Variants in RPRD2 observed in about 807,000 individuals in gnomAD.
The protein encoded by RPRD2 is regulation of nuclear pre-mRNA domain-containing protein 2.
RPRD2 carries 12 observed loss-of-function variants against 104.4 expected under a neutral mutation model. That is an observed-to-expected ratio of 0.11 (90% CI 0.07 to 0.19). RPRD2 has a LOEUF of 0.19. Among genes scored for constraint, RPRD2 ranks in the 10% least tolerant of loss-of-function variants. The pLI, the probability that RPRD2 is intolerant of heterozygous loss-of-function variation, is 1.00. For synonymous variants in RPRD2, 714 were observed against 684.9 expected (o/e 1.04, Z -0.66); for missense variants, 1,543 against 1,790.1 (o/e 0.86, Z 2.49).
At chr1:150,369,517 C>T (rs587596203) in intron 1 of RPRD2, among the ~76,000 whole-genome samples, 86 of 129,532 alleles carry the variant, frequency 6.6e-4, no homozygotes, top group African/African-American at 2.3e-3. Context: ...AGTGCAGTGG[C>T]GCGATCTCGG....
At position 150,443,097 on chromosome 1, in the gene RPRD2, T is replaced by TATGGAC. The variant is rs1553894795; in HGVS notation, c.515-134_515-133insATGGAC. 3 of 612,262 alleles carry TATGGAC rather than the reference T, an allele frequency of 4.9e-6. No individual in the cohort carries two copies. The African/African-American group carries it at 5.6e-5, about 11-fold the overall frequency. 37.9% of individuals were successfully genotyped at this position (612,262 alleles called of 1,614,324 possible). ...TTAAATTTCCTAGTCCATTATTTAT[T>TATGGAC]TTAGGAATTATGACTTAAATGTGCA... On this transcript the variant is annotated intron_variant, in intron 4 of 10. Transcript: ENST00000369068.
At chr1:150,439,627 C>CTTTTTTTTTTTTTTT (rs66814229) in intron 2 of RPRD2, among the ~76,000 whole-genome samples, 1 of 142,292 alleles carries the variant, frequency 7.0e-6, no homozygotes, top group Non-Finnish European at 1.5e-5. Context: ...TTTGACATAG[C>CTTTTTTTTTTTTTTT]TTTTTTTTTT....
At chr1:150,408,959 A>G (rs1167248602) in intron 1 of RPRD2, 2 of 150,878 alleles carry the variant, frequency 1.3e-5, no homozygotes, top group Non-Finnish European at 2.9e-5. Flanking sequence ...CCATTATACC[A>G]TAATGCTTGT....
chr1:150,390,363 G>A (rs1212584225), intron 1 of RPRD2, among the ~76,000 whole-genome samples: 1 of 152,112 alleles, frequency 6.6e-6, no homozygotes, highest in African/African-American at 2.4e-5. Flanking sequence ...CAGGCGTGGT[G>A]GCACATGCCT....
At chr1:150,365,378 G>GT (rs1553877011) in intron 1 of RPRD2, among the ~76,000 whole-genome samples, 1 of 152,138 alleles carries the variant, frequency 6.6e-6, no homozygotes. Flanking sequence ...CTGGATGAAT[G>GT]TATCTAAAAC....
At chr1:150,461,296 C>A (rs1161932345) in intron 9 of RPRD2, among the ~76,000 whole-genome samples, 3 of 151,736 alleles carry the variant, frequency 2.0e-5, no homozygotes, top group African/African-American at 4.8e-5. Context: ...CCAAAGGAAA[C>A]CACTTGTGTT....
intron 1 of RPRD2, among the ~76,000 whole-genome samples, chr1:150,376,239 T>C (rs1660679110): frequency 6.6e-6 from 1 of 152,210 alleles, no homozygotes; most frequent in Non-Finnish European, 1.5e-5. Flanking sequence ...GATCTCTCCC[T>C]CATCTCTCTT....
chr1:150,444,410 T>G, intron 6 of RPRD2, 33 bp downstream of exon 6: 1 of 1,600,488 alleles, frequency 6.2e-7, no homozygotes, highest in Non-Finnish European at 8.5e-7. Context: ...GTAAGTCAGA[T>G]TTTCTTTCCA....
At position 150,433,924 on chromosome 1, in the gene RPRD2, TACAC is replaced by T. The variant is rs71667950; in HGVS notation, c.336-6985_336-6982del. Among the ~76,000 whole-genome samples the T allele has an allele frequency of 4.9e-5, 7 of 141,744 alleles. No homozygotes were observed. In the East Asian group the frequency reaches 5.9e-4, roughly 12 times the overall value. 93.0% of individuals were successfully genotyped at this position (141,744 alleles called of 152,430 possible). On this transcript the variant is annotated intron_variant, in intron 2 of 10. Transcript: ENST00000369068. ...CATATGTATGTATATATAGTGTGTA[TACAC>T]ACACACACACACAGAGGCATATAAT...
intron 2 of RPRD2, among the ~76,000 whole-genome samples, chr1:150,432,628 T>TAAAA (rs34187447): frequency 8.8e-6 from 1 of 113,450 alleles, no homozygotes; most frequent in African/African-American, 3.6e-5. Context: ...AAGAAAATGA[T>TAAAA]AAAAAAAAAA....
chr1:150,376,315 A>G (rs1660686792), intron 1 of RPRD2, among the ~76,000 whole-genome samples: 2 of 152,124 alleles, frequency 1.3e-5, no homozygotes, highest in Non-Finnish European at 2.9e-5. Context: ...GGAATCCATT[A>G]GCAGAGAGAG....
In RPRD2 at chr1:150,474,079, T is replaced by C. The variant is rs921943929; in HGVS notation, c.*745T>C. 6.6e-6 allele frequency: 1 copy of C among 152,166 alleles called. No homozygotes were observed. The highest frequency in any genetic ancestry group is 1.5e-5 in the Non-Finnish European group (1 of 68,016). The allele number at this position is 152,166 out of a possible 1,614,324, so 9.4% of individuals were successfully genotyped here. On this transcript the variant is annotated 3_prime_UTR_variant, in exon 11 of 11. Transcript: ENST00000369068. ...GCCTGTTTTTTTGTAAACAAGAGAATAGGAAATGTTTTCAAGGTAGTTTCA... is the reference window on the plus strand; with the variant it reads ...GCCTGTTTTTTTGTAAACAAGAGAACAGGAAATGTTTTCAAGGTAGTTTCA...
intron 7 of RPRD2, among the ~76,000 whole-genome samples, chr1:150,453,320 C>T (rs967303428): frequency 1.3e-5 from 2 of 152,106 alleles, no homozygotes; most frequent in African/African-American, 2.4e-5. Context: ...CGTGAGCCAC[C>T]GCGCCTGGCC....
At chr1:150,466,208 C>T (rs1231537940) in intron 10 of RPRD2, among the ~76,000 whole-genome samples, 1 of 151,358 alleles carries the variant, frequency 6.6e-6, no homozygotes, top group Non-Finnish European at 1.5e-5. Context: ...GAAACCCCGA[C>T]TCTACTAAAA....
At chr1:150,383,062 G>A (rs2454286) in intron 1 of RPRD2, among the ~76,000 whole-genome samples, 49,760 of 151,666 alleles carry the variant, frequency 0.33, 8,858 homozygotes, top group Non-Finnish European at 0.4. Flanking sequence ...GTGCGATCAT[G>A]GCTCACTGCA....
At chr1:150,402,378 A>G (rs1663105279) in intron 1 of RPRD2, among the ~76,000 whole-genome samples, 3 of 152,212 alleles carry the variant, frequency 2.0e-5, no homozygotes, top group Non-Finnish European at 4.4e-5. Context: ...TATTTATCAT[A>G]TAAAAATGTA....
intron 1 of RPRD2, among the ~76,000 whole-genome samples, chr1:150,383,094 T>C (rs1661261652): frequency 6.6e-6 from 1 of 151,922 alleles, no homozygotes; most frequent in African/African-American, 2.4e-5. Context: ...CCGGACTCAG[T>C]TGATCTTTCC....
In RPRD2 at chr1:150,364,780, T is replaced by G. The variant is rs1553876885; in HGVS notation, c.66T>G (p.Ala22=). The G allele has an allele frequency of 6.2e-7, 1 of 1,612,110 alleles. No homozygotes were observed. Among genetic ancestry groups the G allele is most frequent in the Non-Finnish European group, 8.5e-7 (1 of 1,179,072 alleles). Residue 22 remains alanine, a synonymous_variant, in exon 1 of 11, where the codon GCT becomes GCG. Coordinates refer to ENST00000369068, the MANE Select transcript of RPRD2 (RefSeq NM_015203.5). ...CCTCGTCGGCCTCTTCGGCAGGGGC[T>G]CTGGAGTCCTCGTTGGATCGAAAAT... ...ASSSSASSAG[A]LESSLDRKFQ...
At chr1:150,398,707 C>G (rs1662740822) in intron 1 of RPRD2, among the ~76,000 whole-genome samples, 1 of 151,672 alleles carries the variant, frequency 6.6e-6, no homozygotes, top group Admixed American at 6.6e-5. Context: ...CCATGCCTAG[C>G]TAATTTTTGT....
Sources: gnomAD v4.1 joint callset for allele counts (sites outside exome capture counted in the v4.1 genomes callset) on GRCh38, gnomAD v4.1.1 for gene constraint, MANE v1.5 for transcripts, NCBI Gene and HGNC (gene_info 2026-07-23, HGNC 2026-07-21) for gene names.